Variants in WIPI1 observed in about 807,000 individuals in gnomAD.
WIPI1 encodes WD repeat domain phosphoinositide-interacting protein 1.
Under a neutral mutation model 55.3 loss-of-function variants are expected in WIPI1, and 45 were observed. The observed-to-expected ratio is 0.81, with a 90% confidence interval of 0.64 to 1.04. WIPI1 has a LOEUF of 1.04. Among genes scored for constraint, WIPI1 ranks in the 50% least tolerant of loss-of-function variants. WIPI1 has a pLI of 0.00. For missense variants in WIPI1, 445 were observed against 559.0 expected, an observed-to-expected ratio of 0.80 and a Z score of 2.06; for synonymous variants, 195 against 217.6, an observed-to-expected ratio of 0.90 and a Z score of 0.92.
chr17:68,455,304 C>T (rs1392566417), intron 1 of WIPI1, among the ~76,000 whole-genome samples: 1 of 146,946 alleles, frequency 6.8e-6, no homozygotes, highest in African/African-American at 2.5e-5. Context: ...GCAGAGGCTG[C>T]ACTGAGCCAA....
At position 68,426,239 on chromosome 17, in the gene WIPI1, G is replaced by GGGT. The variant is rs1555798436; in HGVS notation, c.1193-67_1193-65dup. ...ATCTGCTTTTATGCCATGACCTGGC[G>GGGT]GGTGGGGAGCGGGGGCTCAAATAAA... On this transcript the variant is annotated intron_variant, in intron 11 of 12. Coordinates refer to ENST00000262139, the MANE Select transcript of WIPI1 (RefSeq NM_017983.7). 8.9e-5 allele frequency: 104 copies of GGGT among 1,170,168 alleles called. 1 individual carries two copies. The African/African-American group carries it at 1.5e-3, about 17-fold the overall frequency. 72.5% of individuals were successfully genotyped at this position (1,170,168 alleles called of 1,614,324 possible). A position where few individuals can be genotyped will look rare whatever the true frequency, so the allele number is the denominator to read the frequency against.
rs966797424 is a variant in WIPI1 at position 68,422,092 on chromosome 17, G to T, written c.1294-272C>A. 4 of 419,012 alleles carry T rather than the reference G, an allele frequency of 9.5e-6. No individual in the cohort carries two copies. In the Admixed American group the frequency reaches 1.4e-4, roughly 15 times the overall value. 26.0% of individuals were successfully genotyped at this position (419,012 alleles called of 1,614,324 possible). ...ATGTATATGTATATATTTTTAAAAG[G>T]CTCATCTTACTTGTAAACATGGACT... On this transcript the variant is annotated intron_variant, in intron 12 of 12. Coordinates refer to ENST00000262139, the MANE Select transcript of WIPI1 (RefSeq NM_017983.7).
chr17:68,442,360 G>A (rs988169885), intron 4 of WIPI1, among the ~76,000 whole-genome samples: 1 of 151,758 alleles, frequency 6.6e-6, no homozygotes, highest in Admixed American at 6.6e-5. Flanking sequence ...AGCTACTCAG[G>A]AGGCTGAGGA....
chr17:68,433,684 G>T, intron 7 of WIPI1, 109 bp from the exon 8 acceptor site: 1 of 718,016 alleles, frequency 1.4e-6, no homozygotes, highest in Non-Finnish European at 2.3e-6. Context: ...GAAGAGCCTA[G>T]GTAGACCCAG....
At position 68,422,154 on chromosome 17, in the gene WIPI1, G is replaced by A. The variant is rs186587189; in HGVS notation, c.1294-334C>T. On this transcript the variant is annotated intron_variant, in intron 12 of 12. Coordinates refer to ENST00000262139, the MANE Select transcript of WIPI1 (RefSeq NM_017983.7). Reference sequence around the variant, plus strand: ...ATTAAAAAGTCAGTTTAGGCTGGGCGCGGTGGCTCACGCCTGTAATCCCAG... The same window carrying A: ...ATTAAAAAGTCAGTTTAGGCTGGGCACGGTGGCTCACGCCTGTAATCCCAG... 4.0e-4 allele frequency: 97 copies of A among 241,198 alleles called. No homozygotes were observed. In the Middle Eastern group the frequency reaches 6.5e-3, roughly 16 times the overall value. The allele number at this position is 241,198 out of a possible 1,614,324, so 14.9% of individuals were successfully genotyped here.
In WIPI1 at chr17:68,424,704, C is replaced by A. The variant is rs150043536; in HGVS notation, c.1293+1371G>T. Among the ~76,000 whole-genome samples, 1,294 of 152,206 alleles carry A rather than the reference C, an allele frequency of 8.5e-3. 22 individuals carry two copies. The highest frequency in any genetic ancestry group is 0.03 in the African/African-American group (1,242 of 41,530). Reference sequence around the variant, plus strand: ...CAGCGTGACCAACATGGTGAAACCCCGTCTCTACTAAAAATACAAAATATT... The same window carrying A: ...CAGCGTGACCAACATGGTGAAACCCAGTCTCTACTAAAAATACAAAATATT... On this transcript the variant is annotated intron_variant, in intron 12 of 12. Coordinates refer to ENST00000262139, the MANE Select transcript of WIPI1 (RefSeq NM_017983.7).
At chr17:68,449,821 T>C (rs2084428592) in intron 3 of WIPI1, among the ~76,000 whole-genome samples, 1 of 152,178 alleles carries the variant, frequency 6.6e-6, no homozygotes, top group Non-Finnish European at 1.5e-5. Context: ...AATGTGAGAA[T>C]AGACGAATAC....
chr17:68,444,726 AT>A, intron 3 of WIPI1, 137 bp from the exon 4 acceptor site: 1 of 641,142 alleles, frequency 1.6e-6, no homozygotes, highest in Non-Finnish European at 2.6e-6. Flanking sequence ...CATTTTGAAG[AT>A]TGTGTTTATG....
Position 68,421,573 on chromosome 17 carries a change from G to A in WIPI1, c.*200C>T, listed in dbSNP as rs371342379. 134 of 634,166 alleles carry A rather than the reference G, an allele frequency of 2.1e-4. 1 individual carries two copies. In the East Asian group the frequency reaches 2.6e-3, roughly 12 times the overall value. 39.3% of individuals were successfully genotyped at this position (634,166 alleles called of 1,614,324 possible). On this transcript the variant is annotated 3_prime_UTR_variant, in exon 13 of 13. Transcript: ENST00000262139. ...TTAAATAGCATGATGTGTATACAAT[G>A]TCTCCCGCGCCCATTGGCAACCAGG...
chr17:68,431,458 T>C (rs1053832949), intron 8 of WIPI1, among the ~76,000 whole-genome samples: 2 of 151,924 alleles, frequency 1.3e-5, no homozygotes, highest in South Asian at 2.1e-4. Context: ...TGGTGGCTGC[T>C]GGGCTCTGCA....
rs1232425208 is a variant in WIPI1, at chr17:68,450,626, T to C, written c.333+102A>G. The C allele has an allele frequency of 3.5e-6, 5 of 1,429,672 alleles. No homozygotes were observed. In the Admixed American group the frequency reaches 6.6e-5, roughly 19 times the overall value. 88.6% of individuals were successfully genotyped at this position (1,429,672 alleles called of 1,614,324 possible). A position where few individuals can be genotyped will look rare whatever the true frequency, so the allele number is the denominator to read the frequency against. ...CTGAGTGTTAACATTCTCATTAGAA[T>C]TGGAAGCTTGTTTTACAGACATTGA... On this transcript the variant is annotated intron_variant, in intron 3 of 12. Coordinates refer to ENST00000262139, the MANE Select transcript of WIPI1 (RefSeq NM_017983.7).
chr17:68,421,320 C>T lies in WIPI1; in HGVS notation c.*453G>A, dbSNP rs2082754533. The T allele has an allele frequency of 6.3e-6, 1 of 159,246 alleles. No homozygotes were observed. The highest frequency in any genetic ancestry group is 1.4e-5 in the Non-Finnish European group (1 of 72,102). The allele number at this position is 159,246 out of a possible 1,614,324, so 9.9% of individuals were successfully genotyped here. On this transcript the variant is annotated 3_prime_UTR_variant, in exon 13 of 13. Transcript: ENST00000262139. ...TTTATTATTAGTGTCCAAAATGGGA[C>T]TCCCAAGTAATAAATGATTTATTCC... is the stretch of plus-strand genomic sequence containing the variant.
At chr17:68,431,176 C>A (rs141095183) in intron 8 of WIPI1, among the ~76,000 whole-genome samples, 1 of 152,156 alleles carries the variant, frequency 6.6e-6, no homozygotes, top group South Asian at 2.1e-4. Context: ...AAAGAAAAAC[C>A]ACGTGAGCAG....
At chr17:68,456,016 C>G (rs757284325) in intron 1 of WIPI1, among the ~76,000 whole-genome samples, 1 of 152,090 alleles carries the variant, frequency 6.6e-6, no homozygotes, top group Non-Finnish European at 1.5e-5. Context: ...ATGAGTGGAT[C>G]CTAAAACGCA....
chr17:68,456,959 C>T (rs932731573), intron 1 of WIPI1, among the ~76,000 whole-genome samples: 1 of 152,062 alleles, frequency 6.6e-6, no homozygotes, highest in African/African-American at 2.4e-5. Context: ...CTTGCAACTT[C>T]CTCTCCTTTC....
rs201800243 is a variant in WIPI1, at chr17:68,450,868, G to A, written c.193C>T (p.Arg65Cys). 6.8e-6 allele frequency: 11 copies of A among 1,613,680 alleles called. No homozygotes were observed. Among genetic ancestry groups the A allele is most frequent in the African/African-American group, 1.3e-5 (1 of 74,996 alleles). Residue 65 changes from arginine to cysteine, a missense_variant, in exon 3 of 13, where the codon CGC becomes TGC. Arg to Cys is a radical substitution (Grantham distance 180). Transcript: ENST00000262139. The stretch of plus-strand genomic sequence containing the variant: ...ACCACCAGGCTGCTGGAGAAGAGGC[G>A]CTCCACGATGTAGACGTCCGGGATT... The part of the protein sequence containing the change: ...NEIPDVYIVE[R>C]LFSSSLVVVV...
rs760628998 is a variant in WIPI1, at chr17:68,444,607, TATC to T, written c.334-21_334-19del. The T allele has an allele frequency of 1.3e-5, 21 of 1,603,168 alleles. No individual in the cohort carries two copies. In the African/African-American group the frequency reaches 2.3e-4, roughly 17 times the overall value. ...AGCAGCCTCTGTAATCACACAGACT[TATC>T]AGTCTACCGAACCGTTCCTTACAAA... On this transcript the variant is annotated intron_variant, in intron 3 of 12. Transcript: ENST00000262139.
In WIPI1 at chr17:68,450,818, C is replaced by T; in HGVS notation, c.243G>A (p.Arg81=). 6.2e-7 allele frequency: 1 copy of T among 1,614,188 alleles called. No homozygotes were observed. The highest frequency in any genetic ancestry group is 8.5e-7 in the Non-Finnish European group (1 of 1,180,024). ...TCTTGAAGTGATACACGTTCATCTG[C>T]CGTGGTTTTGTGTGACTGACTACCA... ...LVVVVSHTKP[R]QMNVYHFKKG... The change falls in exon 3 of 13, where the codon CGG becomes CGA. Residue 81 remains arginine, a synonymous_variant. Coordinates refer to ENST00000262139, the MANE Select transcript of WIPI1 (RefSeq NM_017983.7).
intron 2 of WIPI1, among the ~76,000 whole-genome samples, chr17:68,451,632 G>C (rs1290203553): frequency 6.6e-6 from 1 of 152,192 alleles, no homozygotes; most frequent in Admixed American, 6.5e-5. Context: ...TGACTTCTCA[G>C]TTGGGAACTT....
Sources: allele counts gnomAD v4.1 joint callset (sites outside exome capture counted in the v4.1 genomes callset), GRCh38; gene constraint gnomAD v4.1.1; transcripts MANE v1.5; gene names NCBI Gene and HGNC (gene_info 2026-07-23, HGNC 2026-07-21).